The following PLEKHH2 variants were observed in gnomAD, a reference collection of about 807,000 sequenced individuals.
PLEKHH2 encodes the protein pleckstrin homology, MyTH4 and FERM domain containing H2.
PLEKHH2 carries 129 observed loss-of-function variants against 187.9 expected under a neutral mutation model. That is an observed-to-expected ratio of 0.69 (90% CI 0.59 to 0.79). The LOEUF (loss-of-function observed/expected upper bound fraction) is 0.79. PLEKHH2 is among the 30% of genes least tolerant of loss of function. The pLI, the probability that PLEKHH2 is intolerant of heterozygous loss-of-function variation, is 0.00. For missense variants in PLEKHH2, 2,076 were observed against 1,751.2 expected (o/e 1.19, Z -3.31); for synonymous variants, 686 against 605.6 (o/e 1.13, Z -1.95).
intron 1 of PLEKHH2, among the ~76,000 whole-genome samples, chr2:43,638,265 A>ACG (rs1280093982): frequency 6.7e-6 from 1 of 149,164 alleles, no homozygotes; most frequent in Non-Finnish European, 1.5e-5. Flanking sequence ...ACACACACAC[A>ACG]CACACACACA....
At chr2:43,744,845 G>C (rs998534409) in intron 23 of PLEKHH2, among the ~76,000 whole-genome samples, 3 of 145,060 alleles carry the variant, frequency 2.1e-5, no homozygotes, top group African/African-American at 7.7e-5. Context: ...TCCAGCCTGG[G>C]TGACAGAGCA....
At chr2:43,645,805 A>G (rs1666156025) in intron 2 of PLEKHH2, among the ~76,000 whole-genome samples, 1 of 152,126 alleles carries the variant, frequency 6.6e-6, no homozygotes, top group South Asian at 2.1e-4. Flanking sequence ...GGATGAATGG[A>G]TGAATGATAT....
chr2:43,679,842 T>G (rs964113176), intron 3 of PLEKHH2, among the ~76,000 whole-genome samples: 4 of 152,130 alleles, frequency 2.6e-5, no homozygotes, highest in African/African-American at 9.7e-5. Flanking sequence ...TTATTAAAAT[T>G]TTTAAATTTT....
chr2:43,712,611 G>A (rs541625846), intron 15 of PLEKHH2, among the ~76,000 whole-genome samples: 1 of 152,272 alleles, frequency 6.6e-6, no homozygotes, highest in African/African-American at 2.4e-5. Context: ...AAAATTCTAC[G>A]AGCAGAATTT....
chr2:43,707,402 AG>A lies in PLEKHH2; in HGVS notation c.1825del (p.Ala609ArgfsTer4). ...TTPVYTTLKG[K>X]ATQISSSPFL... ...GGAGGTTGTTCCACTTTTCTTTAGA[AG>A]GCGACCCAAATAAGTAGCAGCCCTT... On this transcript the variant is annotated frameshift_variant and splice_region_variant, in exon 11 of 30. Coordinates refer to ENST00000282406, the MANE Select transcript of PLEKHH2 (RefSeq NM_172069.4). LOFTEE classifies it high-confidence loss of function. 1 of 1,613,984 alleles carries A rather than the reference AG, an allele frequency of 6.2e-7. No individual in the cohort carries two copies. The highest frequency in any genetic ancestry group is 1.3e-5 in the African/African-American group (1 of 74,984).
intron 3 of PLEKHH2, chr2:43,681,235 CT>C: frequency 1.5e-6 from 1 of 656,928 alleles, no homozygotes; most frequent in Non-Finnish European, 2.6e-6. Flanking sequence ...TTAAAGCGAT[CT>C]TTTTTCCAAT....
chr2:43,692,668 G>T lies in PLEKHH2; in HGVS notation c.336+5G>T. 1 of 1,611,572 alleles carries T rather than the reference G, an allele frequency of 6.2e-7. No individual in the cohort carries two copies. Among genetic ancestry groups the T allele is most frequent in the Non-Finnish European group, 8.5e-7 (1 of 1,178,808 alleles). On this transcript the variant is annotated splice_donor_5th_base_variant and intron_variant, in intron 4 of 29. Transcript: ENST00000282406. ...GAATTGCAACTTGAAGAGCAGGTTA[G>T]GAAGAATTTGATAAAGAGTTCTAAG...
chr2:43,653,082 T>A (rs1666569383), intron 2 of PLEKHH2, among the ~76,000 whole-genome samples: 1 of 152,112 alleles, frequency 6.6e-6, no homozygotes, highest in Non-Finnish European at 1.5e-5. Flanking sequence ...CAGTTCAATA[T>A]GTCCAAGATC....
Position 43,729,776 on chromosome 2 carries a change from A to G in PLEKHH2, c.2830+31A>G, listed in dbSNP as rs147449578. ...TTCATAAACATATAAATAAAGCTTTATGGTTAATGAAATGGACCTCAACCC... is the reference window on the plus strand; with the variant it reads ...TTCATAAACATATAAATAAAGCTTTGTGGTTAATGAAATGGACCTCAACCC... On this transcript the variant is annotated intron_variant, in intron 18 of 29. Coordinates refer to ENST00000282406, the MANE Select transcript of PLEKHH2 (RefSeq NM_172069.4). The G allele has an allele frequency of 3.8e-4, 557 of 1,460,264 alleles. 2 individuals carry two copies. The African/African-American group carries it at 7.1e-3, about 19-fold the overall frequency. 90.5% of individuals were successfully genotyped at this position (1,460,264 alleles called of 1,614,324 possible). A position where few individuals can be genotyped will look rare whatever the true frequency, so the allele number is the denominator to read the frequency against.
At chr2:43,704,122 T>C (rs746968696) in intron 9 of PLEKHH2, 66 bp downstream of exon 9, 249 of 1,099,304 alleles carry the variant, frequency 2.3e-4, no homozygotes, top group Middle Eastern at 4.0e-4. Context: ...GATAGTATAA[T>C]ACAAATACAT....
At chr2:43,752,886 A>G (rs1374515767) in intron 24 of PLEKHH2, among the ~76,000 whole-genome samples, 1 of 152,202 alleles carries the variant, frequency 6.6e-6, no homozygotes, top group South Asian at 2.1e-4. Flanking sequence ...CATGTAAACT[A>G]TTTTTGAGCC....
intron 2 of PLEKHH2, among the ~76,000 whole-genome samples, chr2:43,668,449 C>T (rs1451848873): frequency 6.6e-6 from 1 of 152,122 alleles, no homozygotes; most frequent in Non-Finnish European, 1.5e-5. Flanking sequence ...GTGTTGTCCC[C>T]TAGTCTCTGT....
At chr2:43,742,300 C>T (rs550154669) in intron 21 of PLEKHH2, among the ~76,000 whole-genome samples, 2 of 151,386 alleles carry the variant, frequency 1.3e-5, no homozygotes, top group South Asian at 4.2e-4. Flanking sequence ...CCATGCCTGG[C>T]CTGAAGACAT....
intron 2 of PLEKHH2, among the ~76,000 whole-genome samples, chr2:43,659,137 T>G (rs2104374266): frequency 6.6e-6 from 1 of 151,290 alleles, no homozygotes; most frequent in East Asian, 1.9e-4. Flanking sequence ...CATGCCTGGC[T>G]AATTTTTGTA....
At chr2:43,638,289 TCA>T (rs1703214391) in intron 1 of PLEKHH2, among the ~76,000 whole-genome samples, 1 of 133,914 alleles carries the variant, frequency 7.5e-6, no homozygotes, top group African/African-American at 2.8e-5. Context: ...ACACACACAC[TCA>T]CACACACGAT....
At position 43,707,501 on chromosome 2, in the gene PLEKHH2, C is replaced by CA; in HGVS notation, c.1923dup (p.Arg642ThrfsTer3). ...AGCTCCCGGACGTCAGAGTCAGACTCACGCAGTAGGAGTGGGCCAGGCAGC... is the reference window on the plus strand; with the variant it reads ...AGCTCCCGGACGTCAGAGTCAGACTCAACGCAGTAGGAGTGGGCCAGGCAGC... On this transcript the variant is annotated frameshift_variant, in exon 11 of 30. Coordinates refer to ENST00000282406, the MANE Select transcript of PLEKHH2 (RefSeq NM_172069.4). LOFTEE classifies it high-confidence loss of function. 2 of 1,614,154 alleles carry CA rather than the reference C, an allele frequency of 1.2e-6. No individual in the cohort carries two copies. The highest frequency in any genetic ancestry group is 1.7e-6 in the Non-Finnish European group (2 of 1,180,022).
Position 43,753,743 on chromosome 2 carries a change from G to A in PLEKHH2, c.3778G>A (p.Ala1260Thr). The A allele has an allele frequency of 1.3e-6, 2 of 1,572,828 alleles. No homozygotes were observed. The highest frequency in any genetic ancestry group is 8.6e-7 in the Non-Finnish European group (1 of 1,163,516). The change falls in exon 25 of 30, where the codon GCA becomes ACA. Residue 1260 changes from alanine (A) to threonine (T), a missense_variant. Coordinates refer to ENST00000282406, the MANE Select transcript of PLEKHH2 (RefSeq NM_172069.4). ...PLNKDLALEM[A>T]ALLSQVEIGD... ...GAACAAAGATCTGGCATTAGAAATG[G>A]CAGCTCTTTTATCTCAGGTAACTTC... is the stretch of plus-strand genomic sequence containing the variant.
At chr2:43,762,238 G>T in intron 27 of PLEKHH2, 66 bp from the exon 28 acceptor site, 1 of 1,216,124 alleles carries the variant, frequency 8.2e-7, no homozygotes, top group South Asian at 1.3e-5. Flanking sequence ...ATGACATTTA[G>T]ACTGAAAAAT....
At chr2:43,673,056 A>G (rs1237862084) in intron 2 of PLEKHH2, among the ~76,000 whole-genome samples, 4 of 152,180 alleles carry the variant, frequency 2.6e-5, no homozygotes, top group East Asian at 3.8e-4. Flanking sequence ...CTTTTCATAT[A>G]TATTTAAAAC....
Sources: gnomAD v4.1 joint callset for allele counts (sites outside exome capture counted in the v4.1 genomes callset) on GRCh38, gnomAD v4.1.1 for gene constraint, MANE v1.5 for transcripts, NCBI Gene and HGNC (gene_info 2026-07-23, HGNC 2026-07-21) for gene names.